CAMK4: variants seen among roughly 807,000 people sequenced by gnomAD.
CAMK4 encodes the protein calcium/calmodulin-dependent protein kinase type IV.
In CAMK4, 22 loss-of-function variants were observed where a neutral mutation model predicts 44.9. The observed-to-expected ratio is 0.49, with a 90% confidence interval of 0.35 to 0.70. The LOEUF (loss-of-function observed/expected upper bound fraction) is 0.70, where lower values mean the gene tolerates loss of function less well. Among genes scored for constraint, CAMK4 ranks in the 30% least tolerant of loss-of-function variants. The pLI is 0.01. For missense variants in CAMK4, 498 were observed against 586.8 expected, an observed-to-expected ratio of 0.85 and a Z score of 1.56; for synonymous variants, 218 against 215.4, an observed-to-expected ratio of 1.01 and a Z score of -0.11.
At chr5:111,387,400 T>C (rs1751642292) in intron 4 of CAMK4, among the ~76,000 whole-genome samples, 1 of 152,226 alleles carries the variant, frequency 6.6e-6, no homozygotes, top group East Asian at 1.9e-4. Context: ...TTAAGGAATT[T>C]AAATTACTTT....
intron 2 of CAMK4, among the ~76,000 whole-genome samples, chr5:111,372,744 G>A (rs984930500): frequency 6.6e-6 from 1 of 152,176 alleles, no homozygotes; most frequent in Admixed American, 6.6e-5. Context: ...CTATGGTTTA[G>A]TGTCCGTGGA....
intron 1 of CAMK4, among the ~76,000 whole-genome samples, chr5:111,268,104 G>C (rs1202283215): frequency 6.6e-6 from 1 of 152,156 alleles, no homozygotes; most frequent in East Asian, 1.9e-4. Context: ...GGAAGCTTGA[G>C]GTAGGCCCTC....
chr5:111,352,844 T>C (rs1372752561), intron 2 of CAMK4, among the ~76,000 whole-genome samples: 2 of 152,018 alleles, frequency 1.3e-5, no homozygotes, highest in Non-Finnish European at 2.9e-5. Flanking sequence ...GCATTGAGGA[T>C]CAAATTTCCA....
At chr5:111,228,685 ACTAATG>A (rs1748320427) in intron 1 of CAMK4, among the ~76,000 whole-genome samples, 1 of 152,168 alleles carries the variant, frequency 6.6e-6, no homozygotes, top group Non-Finnish European at 1.5e-5. Context: ...TTCACATCCC[ACTAATG>A]TGTTGTGATT....
chr5:111,339,961 A>G (rs948698452), intron 1 of CAMK4, among the ~76,000 whole-genome samples: 5 of 151,056 alleles, frequency 3.3e-5, no homozygotes, highest in Middle Eastern at 3.4e-3. Context: ...ATTTATTTCT[A>G]AGTATTTTAT....
chr5:111,374,956 AGAGAAAG>A (rs1167569910), intron 3 of CAMK4, 44 bp downstream of exon 3: 15 of 1,333,268 alleles, frequency 1.1e-5, no homozygotes, highest in Non-Finnish European at 1.5e-5. Context: ...TGCCAGAGCT[AGAGAAAG>A]GGACCTTTGT....
intron 7 of CAMK4, among the ~76,000 whole-genome samples, chr5:111,464,296 A>C (rs2112472041): frequency 6.6e-6 from 1 of 152,206 alleles, no homozygotes; most frequent in Non-Finnish European, 1.5e-5. Context: ...CGAAAAAAAG[A>C]ATTTAAAAAA....
chr5:111,338,166 A>G (rs1181859105), intron 1 of CAMK4, among the ~76,000 whole-genome samples: 2 of 151,224 alleles, frequency 1.3e-5, no homozygotes, highest in Admixed American at 6.6e-5. Flanking sequence ...AAATATGTAT[A>G]CACTGTGGAA....
intron 5 of CAMK4, among the ~76,000 whole-genome samples, chr5:111,402,250 C>A (rs969450295): frequency 6.6e-6 from 1 of 152,216 alleles, no homozygotes; most frequent in African/African-American, 2.4e-5. Flanking sequence ...ATTTCAATCT[C>A]AGCATCATAA....
intron 7 of CAMK4, chr5:111,449,816 C>T (rs1754165123): frequency 6.6e-6 from 1 of 152,362 alleles, no homozygotes; most frequent in South Asian, 2.1e-4. Flanking sequence ...TAGCATAAAA[C>T]CTGCTCTGTT....
intron 1 of CAMK4, among the ~76,000 whole-genome samples, chr5:111,295,704 C>G (rs185670859): frequency 1.3e-5 from 2 of 152,196 alleles, no homozygotes; most frequent in Non-Finnish European, 2.9e-5. Context: ...TAGAGGAAAT[C>G]TGCAATATTC....
chr5:111,343,442 C>T (rs1384978410), intron 1 of CAMK4, among the ~76,000 whole-genome samples: 1 of 151,692 alleles, frequency 6.6e-6, no homozygotes, highest in Non-Finnish European at 1.5e-5. Context: ...CCACGTTGTC[C>T]TGCTTTTTAA....
At chr5:111,320,991 T>C (rs908098721) in intron 1 of CAMK4, among the ~76,000 whole-genome samples, 1 of 152,148 alleles carries the variant, frequency 6.6e-6, no homozygotes, top group African/African-American at 2.4e-5. Context: ...ATTTGTGAAA[T>C]GGAATAATTA....
At chr5:111,334,107 A>C (rs1439074096) in intron 1 of CAMK4, among the ~76,000 whole-genome samples, 1 of 151,536 alleles carries the variant, frequency 6.6e-6, no homozygotes, top group Non-Finnish European at 1.5e-5. Context: ...TTTTCTTAAC[A>C]TCTGGAGTTT....
intron 1 of CAMK4, among the ~76,000 whole-genome samples, chr5:111,239,683 A>G (rs1748900637): frequency 1.3e-5 from 2 of 152,226 alleles, no homozygotes; most frequent in Admixed American, 6.5e-5. Flanking sequence ...TAATGATTAA[A>G]TGAGGTCAGT....
At chr5:111,366,060 T>G (rs1750782173) in intron 2 of CAMK4, among the ~76,000 whole-genome samples, 1 of 152,150 alleles carries the variant, frequency 6.6e-6, no homozygotes, top group Non-Finnish European at 1.5e-5. Context: ...GCAGAAGTTA[T>G]GCATAGGGAA....
chr5:111,323,370 A>C (rs527934821), intron 1 of CAMK4, among the ~76,000 whole-genome samples: 161 of 152,198 alleles, frequency 1.1e-3, no homozygotes, highest in Non-Finnish European at 1.2e-3. Flanking sequence ...TCATGTTTGC[A>C]CTATTGTAAA....
At chr5:111,470,921 C>T (rs1036011138) in intron 7 of CAMK4, among the ~76,000 whole-genome samples, 1 of 152,164 alleles carries the variant, frequency 6.6e-6, no homozygotes, top group Non-Finnish European at 1.5e-5. Context: ...TTTGGCCCTC[C>T]AGAAAGTCAA....
At chr5:111,422,515 TTC>T (rs1245767835) in intron 5 of CAMK4, among the ~76,000 whole-genome samples, 1 of 152,226 alleles carries the variant, frequency 6.6e-6, no homozygotes, top group African/African-American at 2.4e-5. Context: ...GCCTTTGGAG[TTC>T]TGAGTCTTTT....
Sources: allele counts gnomAD v4.1 joint callset (sites outside exome capture counted in the v4.1 genomes callset), GRCh38; gene constraint gnomAD v4.1.1; transcripts MANE v1.5; gene names NCBI Gene and HGNC (gene_info 2026-07-23, HGNC 2026-07-21).